The following PTGER3 variants were observed in gnomAD, a reference collection of about 807,000 sequenced individuals.
The protein encoded by PTGER3 is prostaglandin E2 receptor EP3 subtype.
Under a neutral mutation model 34.7 loss-of-function variants are expected in PTGER3, and 22 were observed. The ratio of observed to expected loss-of-function variants is 0.63; its 90% confidence interval spans 0.45 to 0.91. The LOEUF is 0.91. PTGER3 is among the 40% of genes least tolerant of loss of function. The pLI is 0.00. For missense variants in PTGER3, 468 were observed against 519.4 expected (o/e 0.90, Z 0.96); for synonymous variants, 241 against 230.1 (o/e 1.05, Z -0.43).
chr1:70,884,115 A>G (rs1272311862), intron 4 of PTGER3: 1 of 385,926 alleles, frequency 2.6e-6, no homozygotes, highest in South Asian at 2.0e-5. Context: ...AAAAAGGATC[A>G]GAACACAATT....
At chr1:70,998,240 T>A (rs1656157867) in intron 2 of PTGER3, 1 of 152,248 alleles carries the variant, frequency 6.6e-6, no homozygotes, top group East Asian at 1.9e-4. Context: ...TGATTAAGTT[T>A]GAGTGGTGAA....
intron 2 of PTGER3, among the ~76,000 whole-genome samples, chr1:71,000,273 A>G (rs1345676376): frequency 1.3e-5 from 2 of 152,220 alleles, no homozygotes; most frequent in Non-Finnish European, 2.9e-5. Context: ...TATTTGGTCA[A>G]GTGACTTTTC....
intron 4 of PTGER3, among the ~76,000 whole-genome samples, chr1:70,931,440 A>G (rs996888445): frequency 6.6e-6 from 1 of 151,944 alleles, no homozygotes; most frequent in Non-Finnish European, 1.5e-5. Context: ...GGGGGCTCAG[A>G]CTCCACATTT....
chr1:70,951,458 T>C (rs1158718467), downstream of PTGER3: 1 of 152,196 alleles, frequency 6.6e-6, no homozygotes, highest in African/African-American at 2.4e-5. Flanking sequence ...CAATTTCTTC[T>C]GTTCCCTGTA....
At chr1:71,010,153 G>A in intron 2 of PTGER3, 35 of 984,954 alleles carry the variant, frequency 3.6e-5, no homozygotes, top group Non-Finnish European at 4.2e-5. Context: ...CTGTATTTTT[G>A]CAGTTTGATG....
At chr1:70,976,615 CATA>C (rs1449720081) in intron 2 of PTGER3, among the ~76,000 whole-genome samples, 9 of 152,134 alleles carry the variant, frequency 5.9e-5, no homozygotes, top group Non-Finnish European at 1.3e-4. Flanking sequence ...ACATATCCTG[CATA>C]TTGTTTCCAA....
intron 4 of PTGER3, among the ~76,000 whole-genome samples, chr1:70,863,075 G>T (rs369064933): frequency 5.3e-4 from 80 of 152,006 alleles, no homozygotes; most frequent in African/African-American, 1.8e-3. Context: ...CGATGCCCAG[G>T]TTCTCTGTCT....
At chr1:71,044,991 C>T (rs962292839) in intron 1 of PTGER3, among the ~76,000 whole-genome samples, 1 of 152,286 alleles carries the variant, frequency 6.6e-6, no homozygotes. Flanking sequence ...TAGTTGGCCA[C>T]CTGTACACTC....
chr1:70,918,997 C>T (rs6424410), intron 4 of PTGER3, among the ~76,000 whole-genome samples: 61,156 of 151,752 alleles, frequency 0.4, 12,695 homozygotes, highest in Middle Eastern at 0.52. Context: ...ATAGAGGTTC[C>T]AGTTTGTAGT....
intron 4 of PTGER3, among the ~76,000 whole-genome samples, chr1:70,940,946 T>C (rs1386868447): frequency 6.6e-6 from 1 of 152,190 alleles, no homozygotes; most frequent in East Asian, 1.9e-4. Flanking sequence ...GAGCCTATCC[T>C]ACAAAATGAG....
At chr1:70,940,577 AGACACTTCTTACATGGTGGCAG>A (rs1211182322) in intron 4 of PTGER3, among the ~76,000 whole-genome samples, 5 of 152,344 alleles carry the variant, frequency 3.3e-5, no homozygotes, top group Non-Finnish European at 5.9e-5. Flanking sequence ...AGGAGGTGGA[AGACACTTCTTACATGGTGGCAG>A]GAAGAGAAAA....
chr1:70,897,784 A>AGTTT (rs958542536), intron 4 of PTGER3, among the ~76,000 whole-genome samples: 1 of 152,096 alleles, frequency 6.6e-6, no homozygotes, highest in Admixed American at 6.6e-5. Flanking sequence ...TTGTGAAATA[A>AGTTT]GTTTGTTTGT....
intron 4 of PTGER3, chr1:70,862,309 G>A (rs1645944705): frequency 2.2e-6 from 3 of 1,351,650 alleles, no homozygotes; most frequent in Non-Finnish European, 3.0e-6. Context: ...ACTTACATCT[G>A]CTGTCAAAAT....
At chr1:70,947,546 G>T (rs1483565105), downstream of PTGER3, 1 of 152,106 alleles carries the variant, frequency 6.6e-6, no homozygotes, top group Non-Finnish European at 1.5e-5. Flanking sequence ...TGTAAAAATG[G>T]ACTAATACAG....
chr1:70,957,974 C>T (rs1651530813), intron 2 of PTGER3, among the ~76,000 whole-genome samples: 1 of 152,032 alleles, frequency 6.6e-6, no homozygotes. Context: ...ATATAATGTC[C>T]TCCAGGTTCA....
chr1:70,924,239 G>A (rs1043351388), intron 4 of PTGER3, among the ~76,000 whole-genome samples: 1 of 151,980 alleles, frequency 6.6e-6, no homozygotes, highest in Non-Finnish European at 1.5e-5. Context: ...AAAAGCTTAT[G>A]GCAAATATTT....
chr1:70,985,023 A>G (rs1654781357), intron 2 of PTGER3, among the ~76,000 whole-genome samples: 1 of 152,074 alleles, frequency 6.6e-6, no homozygotes. Flanking sequence ...GAAATGGGAG[A>G]GCTAATGCCA....
At chr1:70,973,914 A>C in intron 3 of PTGER3, among the ~76,000 whole-genome samples, 1 of 152,176 alleles carries the variant, frequency 6.6e-6, no homozygotes. Flanking sequence ...TGCGACTGAG[A>C]GTGTGCTAGC....
At chr1:71,029,985 A>G (rs1010865591) in intron 1 of PTGER3, among the ~76,000 whole-genome samples, 1 of 150,576 alleles carries the variant, frequency 6.6e-6, no homozygotes, top group African/African-American at 2.5e-5. Context: ...TAAATAAATA[A>G]GTTTCTAGGT....
Sources: gnomAD v4.1 joint callset for allele counts (sites outside exome capture counted in the v4.1 genomes callset) on GRCh38, gnomAD v4.1.1 for gene constraint, MANE v1.5 for transcripts, NCBI Gene and HGNC (gene_info 2026-07-23, HGNC 2026-07-21) for gene names.